Variants in LANCL2 observed in about 807,000 individuals in gnomAD.
LANCL2 encodes lanC-like protein 2.
A neutral mutation model predicts 56.9 loss-of-function variants in LANCL2; 33 were observed. That is an observed-to-expected ratio of 0.58 (90% CI 0.44 to 0.78). The LOEUF is 0.78. Ranked by LOEUF, LANCL2 falls within the 30% of genes least tolerant of loss-of-function variation. The pLI is 0.00. For synonymous variants in LANCL2, 233 were observed against 228.2 expected (o/e 1.02, Z -0.19); for missense variants, 562 against 580.2 (o/e 0.97, Z 0.32).
At position 55,389,930 on chromosome 7, in the gene LANCL2, G is replaced by C. The variant is rs189267832; in HGVS notation, c.205-1863G>C. On this transcript the variant is annotated intron_variant, in intron 1 of 8. Coordinates refer to ENST00000254770, the MANE Select transcript of LANCL2 (RefSeq NM_018697.4). The stretch of plus-strand genomic sequence containing the variant: ...GTTTTACAAGTCAGAAATGTCTCCT[G>C]GTTCTGGGGCCTCATGGCACTTTGA... Among the ~76,000 whole-genome samples, 295 of 152,286 alleles carry C rather than the reference G, an allele frequency of 1.9e-3. 2 individuals are homozygous for C. Among genetic ancestry groups the C allele is most frequent in the Middle Eastern group, 3.4e-3 (1 of 294 alleles).
At chr7:55,417,349 T>C (rs924309256) in intron 6 of LANCL2, among the ~76,000 whole-genome samples, 11 of 152,160 alleles carry the variant, frequency 7.2e-5, no homozygotes, top group African/African-American at 2.7e-4. Flanking sequence ...ACATTTATTT[T>C]TCCCATTTGA....
chr7:55,412,073 T>C lies in LANCL2; in HGVS notation c.992T>C (p.Leu331Pro). The C allele has an allele frequency of 6.2e-7, 1 of 1,614,024 alleles. No homozygotes were observed. The highest frequency in any genetic ancestry group is 1.1e-5 in the South Asian group (1 of 91,054). ...GGCGCCCCGGGGGTCATCCACATGC[T>C]CATGCAGGCGTACAAGGTCAGTGCT... is the stretch of plus-strand genomic sequence containing the variant. ...CHGAPGVIHM[L>P]MQAYKVFKEE... Residue 331 changes from leucine to proline, a missense_variant, in exon 6 of 9, where the codon CTC becomes CCC. Leu to Pro is a moderately conservative substitution (Grantham distance 98). Coordinates refer to ENST00000254770, the MANE Select transcript of LANCL2 (RefSeq NM_018697.4).
intron 7 of LANCL2, 162 bp from the exon 8 acceptor site, chr7:55,428,195 GCAGAGCCTTGCTGGGCCT>G: frequency 3.3e-6 from 2 of 614,462 alleles, no homozygotes; most frequent in Non-Finnish European, 2.9e-6. Context: ...GCAGCCGCAA[GCAGAGCCTTGCTGGGCCT>G]CACCCCTGGA....
chr7:55,377,769 C>T (rs1032007630), intron 1 of LANCL2, among the ~76,000 whole-genome samples: 1 of 152,162 alleles, frequency 6.6e-6, no homozygotes, highest in Non-Finnish European at 1.5e-5. Flanking sequence ...TTCCCGATTG[C>T]AATGTAATTG....
intron 5 of LANCL2, among the ~76,000 whole-genome samples, chr7:55,407,309 C>A (rs1790419432): frequency 6.6e-6 from 1 of 152,176 alleles, no homozygotes; most frequent in Non-Finnish European, 1.5e-5. Context: ...TCACCGCCAG[C>A]CTCAGGCACC....
chr7:55,413,161 C>T (rs901015939), intron 6 of LANCL2, among the ~76,000 whole-genome samples: 1 of 152,184 alleles, frequency 6.6e-6, no homozygotes, highest in African/African-American at 2.4e-5. Flanking sequence ...GATGCATCTT[C>T]CTAACAGTAC....
chr7:55,402,973 A>G (rs1231297856), intron 5 of LANCL2, among the ~76,000 whole-genome samples: 6 of 144,926 alleles, frequency 4.1e-5, no homozygotes, highest in South Asian at 4.3e-4. Flanking sequence ...CCAGGCAGAG[A>G]GGCTCCTCAC....
rs573061771 is a variant in LANCL2, at chr7:55,402,644, G to A, written c.825+1324G>A. 2.7e-3 allele frequency among the ~76,000 whole-genome samples: 269 copies of A among 100,440 alleles called. 24 individuals carry two copies. The highest frequency in any genetic ancestry group is 5.5e-3 in the Middle Eastern group (1 of 182). 65.9% of individuals were successfully genotyped at this position (100,440 alleles called of 152,430 possible). ...TCCCGGATGGGGCGGCTGGCTGGGC[G>A]GGGGGCTAACCCCCCCACCTCCCTT... On this transcript the variant is annotated intron_variant, in intron 5 of 8. Transcript: ENST00000254770.
chr7:55,397,656 C>CTTTTT lies in LANCL2; in HGVS notation c.323-750_323-746dup, dbSNP rs10659615. Among the ~76,000 whole-genome samples, 46 of 108,800 alleles carry CTTTTT rather than the reference C, an allele frequency of 4.2e-4. 1 individual carries two copies. The highest frequency in any genetic ancestry group is 7.9e-4 in the East Asian group (3 of 3,804). 71.4% of individuals were successfully genotyped at this position (108,800 alleles called of 152,430 possible). On this transcript the variant is annotated intron_variant, in intron 2 of 8. Coordinates refer to ENST00000254770, the MANE Select transcript of LANCL2 (RefSeq NM_018697.4). ...CAGTAAATACATATTTATACTGATT[C>CTTTTT]TTTTTTTTTTTTTTTTTTTTTACTT...
rs759096269 is a variant in LANCL2 at position 55,411,970 on chromosome 7, C to T, written c.889C>T (p.Arg297Cys). The T allele has an allele frequency of 1.2e-5, 20 of 1,614,118 alleles. No homozygotes were observed. The highest frequency in any genetic ancestry group is 2.2e-5 in the East Asian group (1 of 44,888). ...GGTGAAACCCAGTATTGATTATGTG[C>T]GCCACAAAAAATTCCGATCTGGGAA... ...EMVKPSIDYV[R>C]HKKFRSGNYP... The change falls in exon 6 of 9, where the codon CGC becomes TGC. Residue 297 changes from arginine (R) to cysteine (C), a missense_variant. Coordinates refer to ENST00000254770, the MANE Select transcript of LANCL2 (RefSeq NM_018697.4).
At chr7:55,429,294 C>T (rs1009689946) in intron 8 of LANCL2, among the ~76,000 whole-genome samples, 6 of 152,144 alleles carry the variant, frequency 3.9e-5, no homozygotes, top group African/African-American at 1.4e-4. Flanking sequence ...CCAGTACAAA[C>T]TTCTAGGTCT....
chr7:55,369,766 G>A (rs1293686702), intron 1 of LANCL2, among the ~76,000 whole-genome samples: 1 of 152,130 alleles, frequency 6.6e-6, no homozygotes, highest in Non-Finnish European at 1.5e-5. Context: ...GAGTTTAATA[G>A]GGAAAGTTTA....
chr7:55,384,576 AAG>A (rs1455055328), intron 1 of LANCL2, among the ~76,000 whole-genome samples: 3 of 152,132 alleles, frequency 2.0e-5, no homozygotes, highest in East Asian at 3.9e-4. Context: ...ATTAAAAAAA[AAG>A]AAATTTATAG....
chr7:55,409,447 C>G (rs1209833167), intron 5 of LANCL2, among the ~76,000 whole-genome samples: 1 of 152,136 alleles, frequency 6.6e-6, no homozygotes, highest in African/African-American at 2.4e-5. Context: ...AGAAAGTTAC[C>G]AATTAAATGT....
chr7:55,380,828 T>C (rs1790059107), intron 1 of LANCL2, among the ~76,000 whole-genome samples: 1 of 151,132 alleles, frequency 6.6e-6, no homozygotes, highest in Non-Finnish European at 1.5e-5. Context: ...GGAGGTTCTA[T>C]AGAGTATGTT....
chr7:55,368,282 A>G (rs1270513573), intron 1 of LANCL2, among the ~76,000 whole-genome samples: 1 of 152,240 alleles, frequency 6.6e-6, no homozygotes, highest in East Asian at 1.9e-4. Flanking sequence ...CCTCAGTTAT[A>G]TACCTGATTT....
intron 1 of LANCL2, among the ~76,000 whole-genome samples, chr7:55,367,275 A>G (rs1789885892): frequency 6.6e-6 from 1 of 152,138 alleles, no homozygotes; most frequent in Non-Finnish European, 1.5e-5. Context: ...TTTTCCACTG[A>G]GGTACGTGTT....
intron 1 of LANCL2, among the ~76,000 whole-genome samples, chr7:55,371,849 A>G (rs1189793591): frequency 1.3e-5 from 2 of 152,218 alleles, no homozygotes; most frequent in Admixed American, 1.3e-4. Context: ...TAAGGAAATC[A>G]GTACTACCCT....
chr7:55,389,440 A>G (rs1257401866), intron 1 of LANCL2, among the ~76,000 whole-genome samples: 1 of 152,206 alleles, frequency 6.6e-6, no homozygotes, highest in African/African-American at 2.4e-5. Flanking sequence ...ATAAAGAAAA[A>G]GGTTGAAAGT....
Sources: allele counts gnomAD v4.1 joint callset (sites outside exome capture counted in the v4.1 genomes callset), GRCh38; gene constraint gnomAD v4.1.1; transcripts MANE v1.5; gene names NCBI Gene and HGNC (gene_info 2026-07-23, HGNC 2026-07-21).